The following PCDH15 variants were observed in gnomAD, a reference collection of about 807,000 sequenced individuals.
PCDH15 encodes the protein protocadherin-15.
A neutral mutation model predicts 178.5 loss-of-function variants in PCDH15; 129 were observed. The ratio of observed to expected loss-of-function variants is 0.72; its 90% CI spans 0.63 to 0.84. The LOEUF (loss-of-function observed/expected upper bound fraction) is 0.84. Among genes scored for constraint, PCDH15 ranks in the 40% least tolerant of loss-of-function variants. The pLI, the probability that PCDH15 is intolerant of heterozygous loss-of-function variation, is 0.00. For synonymous variants in PCDH15, 800 were observed against 732.0 expected (o/e 1.09, Z -1.50); for missense variants, 2,230 against 2,099.9 (o/e 1.06, Z -1.21).
At chr10:54,775,693 C>T (rs1467787529) in intron 1 of PCDH15, among the ~76,000 whole-genome samples, 4 of 151,808 alleles carry the variant, frequency 2.6e-5, no homozygotes, top group African/African-American at 7.3e-5. Flanking sequence ...GTCAGGAGAT[C>T]GAGACCACGA....
rs564067761 is a variant in PCDH15 at position 54,883,931 on chromosome 10, T to C, written c.-29+13519A>G. ...TGGATAATGTGTAAGTTGTAGTCCTTATTGGTGGGAAATTATTTTATGTTT... is the reference window on the plus strand; with the variant it reads ...TGGATAATGTGTAAGTTGTAGTCCTCATTGGTGGGAAATTATTTTATGTTT... On this transcript the variant is annotated intron_variant, in intron 3 of 5. Transcript: ENST00000458638. Among the ~76,000 whole-genome samples, 5 of 152,172 alleles carry C rather than the reference T, an allele frequency of 3.3e-5. No homozygotes were observed. In the East Asian group the frequency reaches 7.7e-4, roughly 24 times the overall value.
intron 3 of PCDH15, among the ~76,000 whole-genome samples, chr10:54,825,467 T>C (rs1190269219): frequency 1.3e-5 from 2 of 148,580 alleles, no homozygotes; most frequent in Non-Finnish European, 3.0e-5. Flanking sequence ...CCACAATGGT[T>C]GAACTAGTTT....
At chr10:55,588,653 C>T (rs1191013352) in intron 2 of PCDH15, among the ~76,000 whole-genome samples, 1 of 151,632 alleles carries the variant, frequency 6.6e-6, no homozygotes, top group African/African-American at 2.4e-5. Context: ...TCTAGTATTA[C>T]CAAACCTTTG....
intron 2 of PCDH15, among the ~76,000 whole-genome samples, chr10:55,618,328 G>T (rs1220755021): frequency 6.6e-6 from 1 of 151,922 alleles, no homozygotes. Context: ...GTTATTTGTT[G>T]TAGTCTTTTG....
chr10:54,947,482 C>A (rs1349771287), intron 2 of PCDH15, among the ~76,000 whole-genome samples: 3 of 151,828 alleles, frequency 2.0e-5, no homozygotes, highest in African/African-American at 4.8e-5. Context: ...ATAACTTGCC[C>A]AAGGTCACAC....
chr10:53,996,354 G>A (rs992939972), intron 20 of PCDH15, among the ~76,000 whole-genome samples: 3 of 152,060 alleles, frequency 2.0e-5, no homozygotes, highest in Admixed American at 6.5e-5. Context: ...TTAATTTACT[G>A]AATTTTTTTC....
At chr10:54,822,853 T>C (rs993123038) in intron 3 of PCDH15, among the ~76,000 whole-genome samples, 2 of 151,888 alleles carry the variant, frequency 1.3e-5, no homozygotes, top group Non-Finnish European at 2.9e-5. Flanking sequence ...TCATAAATAA[T>C]AAGATAAAAC....
In PCDH15 at chr10:55,458,214, A is replaced by T. The variant is rs146207036; in HGVS notation, c.-156+169411T>A. Among the ~76,000 whole-genome samples the T allele has an allele frequency of 4.0e-3, 603 of 152,130 alleles. 3 individuals carry two copies. Among genetic ancestry groups the T allele is most frequent in the African/African-American group, 0.014 (572 of 41,556 alleles). ...TTTAAATGGTTTGATTACAAACTCTAAATATATTGACATTGATTTGTGAAT... is the reference window on the plus strand; with the variant it reads ...TTTAAATGGTTTGATTACAAACTCTTAATATATTGACATTGATTTGTGAAT... On this transcript the variant is annotated intron_variant, in intron 2 of 5. Transcript: ENST00000613346.
At chr10:54,957,978 C>A (rs1181140208) in intron 2 of PCDH15, among the ~76,000 whole-genome samples, 1 of 151,680 alleles carries the variant, frequency 6.6e-6, no homozygotes, top group East Asian at 1.9e-4. Flanking sequence ...AAGGTTGACC[C>A]ACTGAAGACA....
chr10:55,451,513 A>C, intron 2 of PCDH15, among the ~76,000 whole-genome samples: 1 of 152,274 alleles, frequency 6.6e-6, no homozygotes, highest in South Asian at 2.1e-4. Flanking sequence ...AAAATAAAAA[A>C]ATAAAAAACA....
intron 5 of PCDH15, among the ~76,000 whole-genome samples, chr10:54,360,291 G>A (rs1945793702): frequency 6.6e-6 from 1 of 152,012 alleles, no homozygotes; most frequent in Admixed American, 6.6e-5. Context: ...TCCCACATAT[G>A]ATTACTTTTC....
Position 54,308,926 on chromosome 10 carries a change from C to T in PCDH15, c.876+8345G>A, listed in dbSNP as rs1239468186. The stretch of plus-strand genomic sequence containing the variant: ...GGGAAGAACAAAATGGCAGTCACAT[C>T]ATATGTTGACTCTAGATGTGTTATT... On this transcript the variant is annotated intron_variant, in intron 8 of 37. Transcript: ENST00000644397. Among the ~76,000 whole-genome samples, 3 of 152,018 alleles carry T rather than the reference C, an allele frequency of 2.0e-5. No homozygotes were observed. In the East Asian group the frequency reaches 5.8e-4, roughly 29 times the overall value.
chr10:54,905,573 T>C (rs971386047), intron 2 of PCDH15, among the ~76,000 whole-genome samples: 22 of 152,110 alleles, frequency 1.4e-4, no homozygotes, highest in African/African-American at 5.1e-4. Context: ...GTGAGATTAT[T>C]TGCAAACAAG....
chr10:55,538,472 CCCTTCCTCCCTT>C (rs1311854782), intron 2 of PCDH15, among the ~76,000 whole-genome samples: 1,344 of 109,730 alleles, frequency 0.012, 6 homozygotes, highest in African/African-American at 0.045. Context: ...CTTCCTCCCT[CCCTTCCTCCCTT>C]CCTTCCTCCT....
chr10:55,226,697 A>G (rs1452573965), intron 1 of PCDH15, among the ~76,000 whole-genome samples: 1 of 152,100 alleles, frequency 6.6e-6, no homozygotes, highest in Non-Finnish European at 1.5e-5. Context: ...TAGTTAAAGA[A>G]AAAGGTTACT....
chr10:53,822,445 CAGGAGGAGG>C lies in PCDH15; in HGVS notation c.4368-2224_4368-2216del, dbSNP rs754779351. 1.2e-5 allele frequency: 19 copies of C among 1,591,382 alleles called. No homozygotes were observed. Among genetic ancestry groups the C allele is most frequent in the Middle Eastern group, 1.7e-4 (1 of 5,960 alleles). ...GGAGGAGGAGCAAGAGGAGCAGGAG[CAGGAGGAGG>C]AGAAGGAGGAGAAATAGGAGGAGGA... is the stretch of plus-strand genomic sequence containing the variant. On this transcript the variant is annotated intron_variant, in intron 32 of 37. Transcript: ENST00000644397.
chr10:54,093,119 C>T (rs555124018), intron 15 of PCDH15, among the ~76,000 whole-genome samples: 25 of 152,136 alleles, frequency 1.6e-4, no homozygotes, highest in African/African-American at 5.8e-4. Flanking sequence ...TCCTTTCAAT[C>T]CCAGAGGTAG....
At chr10:53,923,929 G>C (rs574952027) in intron 25 of PCDH15, among the ~76,000 whole-genome samples, 1 of 152,308 alleles carries the variant, frequency 6.6e-6, no homozygotes, top group South Asian at 2.1e-4. Context: ...GACAGCCTCA[G>C]AAAGACAAAT....
chr10:54,712,256 T>C (rs1313639902), intron 1 of PCDH15, among the ~76,000 whole-genome samples: 1 of 151,828 alleles, frequency 6.6e-6, no homozygotes, highest in Non-Finnish European at 1.5e-5. Flanking sequence ...AAAACATCAT[T>C]GGGTAGTTAG....
Sources: gnomAD v4.1 joint callset for allele counts (sites outside exome capture counted in the v4.1 genomes callset) on GRCh38, gnomAD v4.1.1 for gene constraint, MANE v1.5 for transcripts, NCBI Gene and HGNC (gene_info 2026-07-23, HGNC 2026-07-21) for gene names.